SMG1: variants seen among roughly 807,000 people sequenced by gnomAD.
The protein encoded by SMG1 is serine/threonine-protein kinase SMG1.
A neutral mutation model predicts 419.9 loss-of-function variants in SMG1; 22 were observed. That is an observed-to-expected ratio of 0.05 (90% confidence interval 0.04 to 0.07). The LOEUF (loss-of-function observed/expected upper bound fraction) is 0.07, where lower values mean the gene tolerates loss of function less well. Ranked by LOEUF, SMG1 falls within the 10% of genes least tolerant of loss-of-function variation. SMG1 has a pLI of 1.00. For synonymous variants in SMG1, 1,538 were observed against 1,553.5 expected (o/e 0.99, Z 0.23); for missense variants, 3,185 against 4,342.0 (o/e 0.73, Z 7.49).
chr16:18,916,224 T>C (rs2037971696), intron 1 of SMG1, among the ~76,000 whole-genome samples: 1 of 148,614 alleles, frequency 6.7e-6, no homozygotes, highest in South Asian at 2.1e-4. Flanking sequence ...TGGAAAAGAA[T>C]AACATTATAG....
chr16:18,829,597 G>T lies in SMG1; in HGVS notation c.9292C>A (p.Pro3098Thr). ...AGTGTGAGTCCGAGGGCTTGGTTGG[G>T]TAGCCCTATCAAGAGCTGCCTCACA... ...DFVRQLLIGLPNQALGLTLCS... is the reference protein window; with the variant it reads ...DFVRQLLIGLTNQALGLTLCS... Residue 3098 changes from proline to threonine, a missense_variant, in exon 54 of 63, where the codon CCC (proline) becomes ACC (threonine). By Grantham distance (38) the Pro-to-Thr change is conservative. Transcript: ENST00000446231. 6.2e-7 allele frequency: 1 copy of T among 1,613,992 alleles called. No homozygotes were observed. The highest frequency in any genetic ancestry group is 1.1e-5 in the South Asian group (1 of 91,078).
intron 28 of SMG1, 108 bp from the exon 29 acceptor site, chr16:18,858,398 G>T: frequency 2.2e-6 from 2 of 919,372 alleles, no homozygotes; most frequent in Non-Finnish European, 3.1e-6. Flanking sequence ...GGCTACTTCA[G>T]ATTGATTGCA....
chr16:18,809,731 CA>C lies in SMG1; in HGVS notation c.10909-86del. On this transcript the variant is annotated intron_variant, in intron 62 of 62. Coordinates refer to ENST00000446231, the MANE Select transcript of SMG1 (RefSeq NM_015092.5). ...ATTACAATCAGCAGACAAATTATGC[CA>C]AAAGTTAAGTGCAAAGGACTCTATA... is the stretch of plus-strand genomic sequence containing the variant. 2.7e-6 allele frequency: 3 copies of C among 1,102,262 alleles called. No homozygotes were observed. The Admixed American group carries it at 6.0e-5, about 22-fold the overall frequency. 68.3% of individuals were successfully genotyped at this position (1,102,262 alleles called of 1,614,324 possible).
At chr16:18,920,520 T>C (rs1204356551) in intron 1 of SMG1, among the ~76,000 whole-genome samples, 4 of 150,830 alleles carry the variant, frequency 2.7e-5, no homozygotes, top group Admixed American at 6.6e-5. Flanking sequence ...GGAGGCCCCA[T>C]CTCTACAAAA....
At position 18,849,338 on chromosome 16, in the gene SMG1, T is replaced by G; in HGVS notation, c.5502A>C (p.Glu1834Asp). 1.9e-6 allele frequency: 3 copies of G among 1,613,634 alleles called. No individual in the cohort carries two copies. The highest frequency in any genetic ancestry group is 2.5e-6 in the Non-Finnish European group (3 of 1,179,714). Residue 1834 changes from glutamate (E) to aspartate (D), a missense_variant, in exon 36 of 63, where the codon GAA becomes GAC. Coordinates refer to ENST00000446231, the MANE Select transcript of SMG1 (RefSeq NM_015092.5). ...TACAAATACTTTGGCGCACATACAC[T>G]TCAGGGTGGTTTAAGCGTGAGAAAA... ...PQLFSRLNHP[E>D]VYVRQSICNL...
At chr16:18,905,539 G>A (rs2037525684) in intron 1 of SMG1, among the ~76,000 whole-genome samples, 1 of 151,326 alleles carries the variant, frequency 6.6e-6, no homozygotes. Flanking sequence ...AAGTTTATGA[G>A]TTTTTTAGTT....
At chr16:18,920,959 G>A (rs1313903186) in intron 1 of SMG1, among the ~76,000 whole-genome samples, 1 of 152,058 alleles carries the variant, frequency 6.6e-6, no homozygotes, top group Non-Finnish European at 1.5e-5. Context: ...CCAACATGGT[G>A]AAATCCCATC....
At chr16:18,869,047 C>G in intron 20 of SMG1, 57 bp downstream of exon 20, 3 of 1,386,576 alleles carry the variant, frequency 2.2e-6, no homozygotes. Context: ...TTTAAGAATC[C>G]AGTATTTCTT....
intron 46 of SMG1, 88 bp from the exon 47 acceptor site, chr16:18,836,620 ACTGT>A: frequency 7.4e-7 from 1 of 1,344,430 alleles, no homozygotes; most frequent in Non-Finnish European, 1.0e-6. Context: ...TCACACATGG[ACTGT>A]CTGGTACGCT....
intron 6 of SMG1, among the ~76,000 whole-genome samples, chr16:18,887,516 CTTTTTTTT>C (rs574179061): frequency 3.6e-5 from 4 of 110,140 alleles, no homozygotes; most frequent in Non-Finnish European, 5.5e-5. Context: ...TTTTTTTTTC[CTTTTTTTT>C]TTTTTTTTTA....
Position 18,852,105 on chromosome 16 carries a change from T to C in SMG1, c.5014A>G (p.Ile1672Val). 1.2e-6 allele frequency: 2 copies of C among 1,613,474 alleles called. No homozygotes were observed. The highest frequency in any genetic ancestry group is 1.1e-5 in the South Asian group (1 of 90,928). ...GGCCGACACACAGCCTGTCCAAGAA[T>C]ACCATATATTCTCTCTTTCTCTTCC... ...TEEEKERIYG[I>V]LGQAVCRPAG... is the part of the protein sequence containing the mutation. The change falls in exon 33 of 63, where the codon ATT (isoleucine) becomes GTT (valine). Residue 1672 changes from isoleucine (I) to valine (V), a missense_variant. By Grantham distance (29) the Ile-to-Val change is conservative. Coordinates refer to ENST00000446231, the MANE Select transcript of SMG1 (RefSeq NM_015092.5).
intron 9 of SMG1, among the ~76,000 whole-genome samples, chr16:18,883,641 G>T (rs923099535): frequency 6.6e-6 from 1 of 152,188 alleles, no homozygotes; most frequent in African/African-American, 2.4e-5. Context: ...AATATTGACT[G>T]GGCACGGGGG....
At chr16:18,833,220 C>T (rs2033328519) in intron 50 of SMG1, 54 bp from the exon 51 acceptor site, 2 of 1,442,828 alleles carry the variant, frequency 1.4e-6, no homozygotes, top group Middle Eastern at 1.8e-4. Context: ...AGCTAAGTTA[C>T]ACATTTGGAG....
rs536929936 is a variant in SMG1, at chr16:18,858,017, C to G, written c.4234+153G>C. On this transcript the variant is annotated intron_variant, in intron 29 of 62. Transcript: ENST00000446231. ...GAACCTTCTGGGGTAAGACGGTGTT[C>G]TGTATCTCGATCGTATTGGTGGTCA... is the stretch of plus-strand genomic sequence containing the variant. The G allele has an allele frequency of 1.8e-5, 10 of 566,668 alleles. No homozygotes were observed. The South Asian group carries it at 2.9e-4, about 17-fold the overall frequency. The allele number at this position is 566,668 out of a possible 1,614,324, so 35.1% of individuals were successfully genotyped here. A position where few individuals can be genotyped will look rare whatever the true frequency, so the allele number is the denominator to read the frequency against.
chr16:18,853,377 A>C (rs2034706638), intron 31 of SMG1, among the ~76,000 whole-genome samples: 1 of 152,220 alleles, frequency 6.6e-6, no homozygotes, highest in Non-Finnish European at 1.5e-5. Context: ...CCATAAAAGC[A>C]AATACCTGGG....
At position 18,870,109 on chromosome 16, in the gene SMG1, G is replaced by C. The variant is rs533201542; in HGVS notation, c.2493-115C>G. 7.8e-4 allele frequency: 498 copies of C among 640,476 alleles called. 2 individuals carry two copies. Among genetic ancestry groups the C allele is most frequent in the African/African-American group, 7.5e-3 (410 of 54,538 alleles). 39.7% of individuals were successfully genotyped at this position (640,476 alleles called of 1,614,324 possible). ...CTGGAGGTAAAAATATAGTAAAATT[G>C]AGACTTTCAAATGGATACAGAGATG... On this transcript the variant is annotated intron_variant, in intron 18 of 62. Transcript: ENST00000446231.
intron 3 of SMG1, among the ~76,000 whole-genome samples, chr16:18,893,014 G>C (rs1199293359): frequency 7.2e-5 from 11 of 152,166 alleles, no homozygotes; most frequent in Non-Finnish European, 1.3e-4. Flanking sequence ...TGCAGGTAAA[G>C]AGCCCGGGTG....
intron 16 of SMG1, among the ~76,000 whole-genome samples, 153 bp from the exon 17 acceptor site, chr16:18,871,041 T>C (rs926306601): frequency 6.6e-6 from 1 of 152,224 alleles, no homozygotes; most frequent in Admixed American, 6.5e-5. Context: ...TCACTGACTG[T>C]CACATTTGTT....
intron 49 of SMG1, 130 bp downstream of exon 49, chr16:18,834,762 T>C: frequency 3.9e-6 from 4 of 1,032,736 alleles, no homozygotes; most frequent in Non-Finnish European, 5.7e-6. Context: ...ACAACCAAGA[T>C]AACTAAAATC....
Sources: gnomAD v4.1 joint callset for allele counts (sites outside exome capture counted in the v4.1 genomes callset) on GRCh38, gnomAD v4.1.1 for gene constraint, MANE v1.5 for transcripts, NCBI Gene and HGNC (gene_info 2026-07-23, HGNC 2026-07-21) for gene names.